The following RBMS3 variants were observed in gnomAD, a reference collection of about 807,000 sequenced individuals.
RBMS3 encodes RNA binding motif single stranded interacting protein 3, also known as RNA-binding motif, single-stranded-interacting protein 3.
In RBMS3, 27 loss-of-function variants were observed where a neutral mutation model predicts 66.8. The observed-to-expected ratio is 0.40, with a 90% CI of 0.30 to 0.56. The LOEUF is 0.56. Ranked by LOEUF, RBMS3 falls within the 20% of genes least tolerant of loss-of-function variation. The probability of loss-of-function intolerance (pLI) is 0.40; values close to 1 mark genes in which losing one functional copy is unlikely to be tolerated. For synonymous variants in RBMS3, 188 were observed against 183.0 expected (o/e 1.03, Z -0.22); for missense variants, 513 against 549.5 (o/e 0.93, Z 0.66).
At chr3:29,655,166 G>A (rs1382472104) in intron 4 of RBMS3, among the ~76,000 whole-genome samples, 1 of 152,112 alleles carries the variant, frequency 6.6e-6, no homozygotes, top group Non-Finnish European at 1.5e-5. Context: ...GATTAATGAG[G>A]TCATCTGGTT....
intron 2 of RBMS3, among the ~76,000 whole-genome samples, chr3:29,477,434 G>T (rs935036444): frequency 1.4e-5 from 2 of 145,652 alleles, no homozygotes; most frequent in African/African-American, 5.2e-5. Flanking sequence ...ATTGATCCCT[G>T]TGTGTAGGGT....
chr3:29,322,771 A>G (rs754978781), intron 1 of RBMS3, among the ~76,000 whole-genome samples: 6 of 152,138 alleles, frequency 3.9e-5, no homozygotes, highest in Non-Finnish European at 7.3e-5. Context: ...AAACCTCAAG[A>G]CAAGGAGAGG....
chr3:29,662,758 G>A (rs2050605663), intron 4 of RBMS3, among the ~76,000 whole-genome samples: 1 of 152,160 alleles, frequency 6.6e-6, no homozygotes, highest in Admixed American at 6.5e-5. Flanking sequence ...AGCAGTGAGA[G>A]ACATGGCAGT....
intron 4 of RBMS3, among the ~76,000 whole-genome samples, chr3:29,720,280 AT>A (rs1315711692): frequency 1.3e-5 from 2 of 152,152 alleles, no homozygotes; most frequent in Non-Finnish European, 2.9e-5. Flanking sequence ...TTCTATGTAA[AT>A]TGTATCATAT....
At chr3:29,470,341 T>C (rs1387094600) in intron 2 of RBMS3, among the ~76,000 whole-genome samples, 1 of 151,958 alleles carries the variant, frequency 6.6e-6, no homozygotes, top group Non-Finnish European at 1.5e-5. Context: ...TCTTCAGAAG[T>C]CAAAGACTCA....
rs776907158 is a variant in RBMS3 at position 30,009,368 on chromosome 3, A to T, written c.*5506A>T. ...TTATTTTATTTCTTATAAAGTATTA[A>T]TTTCTTAAGGGGGTTTGAAATCATT... On this transcript the variant is annotated 3_prime_UTR_variant, in exon 15 of 15. Coordinates refer to ENST00000383767, the MANE Select transcript of RBMS3 (RefSeq NM_001003793.3). The T allele has an allele frequency of 6.6e-6, 1 of 152,116 alleles. No homozygotes were observed. Among genetic ancestry groups the T allele is most frequent in the African/African-American group, 2.4e-5 (1 of 41,426 alleles). 9.4% of individuals were successfully genotyped at this position (152,116 alleles called of 1,614,324 possible). A position where few individuals can be genotyped will look rare whatever the true frequency, so the allele number is the denominator to read the frequency against.
chr3:29,590,021 A>G (rs2047670568), intron 4 of RBMS3, among the ~76,000 whole-genome samples: 1 of 152,102 alleles, frequency 6.6e-6, no homozygotes, highest in Non-Finnish European at 1.5e-5. Context: ...TTGATTAATA[A>G]TGAATTACCA....
intron 2 of RBMS3, among the ~76,000 whole-genome samples, chr3:29,460,386 T>C (rs1034066171): frequency 1.3e-5 from 2 of 152,236 alleles, no homozygotes; most frequent in African/African-American, 4.8e-5. Flanking sequence ...GTTTCAGATA[T>C]GTGTTCATGG....
At chr3:29,629,237 G>C (rs1018339064) in intron 4 of RBMS3, among the ~76,000 whole-genome samples, 1 of 152,112 alleles carries the variant, frequency 6.6e-6, no homozygotes, top group African/African-American at 2.4e-5. Context: ...AGTGAAAAGT[G>C]CTGAGAATCC....
At chr3:29,385,377 C>T (rs1209273462) in intron 1 of RBMS3, among the ~76,000 whole-genome samples, 1 of 152,120 alleles carries the variant, frequency 6.6e-6, no homozygotes, top group Admixed American at 6.6e-5. Flanking sequence ...CCCTCTGGAA[C>T]TCGGTCATAC....
intron 3 of RBMS3, among the ~76,000 whole-genome samples, chr3:29,517,359 G>T (rs947627916): frequency 6.9e-6 from 1 of 144,410 alleles, no homozygotes; most frequent in African/African-American, 2.6e-5. Flanking sequence ...GTCTCGCTCT[G>T]TTGCCCAGGC....
At chr3:29,320,465 A>G (rs2034941084) in intron 1 of RBMS3, among the ~76,000 whole-genome samples, 1 of 152,094 alleles carries the variant, frequency 6.6e-6, no homozygotes, top group East Asian at 1.9e-4. Context: ...TCCTTCCTGG[A>G]AACATTCTAT....
intron 2 of RBMS3, among the ~76,000 whole-genome samples, chr3:29,441,466 G>A (rs1156691377): frequency 6.6e-6 from 1 of 152,082 alleles, no homozygotes; most frequent in Non-Finnish European, 1.5e-5. Context: ...TCCCTATGAA[G>A]TGGGAATAAT....
At chr3:29,495,156 T>A (rs2043694190) in intron 3 of RBMS3, among the ~76,000 whole-genome samples, 1 of 147,396 alleles carries the variant, frequency 6.8e-6, no homozygotes, top group Non-Finnish European at 1.5e-5. Flanking sequence ...GAGAAATAAT[T>A]CTGCATATGA....
At chr3:29,972,688 A>T (rs1697305027) in intron 12 of RBMS3, among the ~76,000 whole-genome samples, 1 of 152,088 alleles carries the variant, frequency 6.6e-6, no homozygotes, top group Non-Finnish European at 1.5e-5. Context: ...ACTTGAGTCC[A>T]CTGGGATGAT....
chr3:29,952,101 G>A (rs988499633), intron 12 of RBMS3, among the ~76,000 whole-genome samples: 6 of 151,774 alleles, frequency 4.0e-5, no homozygotes, highest in African/African-American at 1.4e-4. Flanking sequence ...GTGTGAAAAT[G>A]AAAATAAAGA....
At chr3:29,459,427 T>C (rs950517365) in intron 2 of RBMS3, among the ~76,000 whole-genome samples, 9 of 152,170 alleles carry the variant, frequency 5.9e-5, no homozygotes, top group Non-Finnish European at 1.3e-4. Flanking sequence ...ATAACAATCA[T>C]CTAAAATATA....
At chr3:29,311,501 C>T (rs545014412) in intron 1 of RBMS3, among the ~76,000 whole-genome samples, 3 of 151,586 alleles carry the variant, frequency 2.0e-5, no homozygotes, top group Admixed American at 6.6e-5. Context: ...TGCAAGCCAC[C>T]AAAAAATGTT....
chr3:29,367,668 A>T (rs1006483949), intron 1 of RBMS3, among the ~76,000 whole-genome samples: 17 of 152,234 alleles, frequency 1.1e-4, no homozygotes, highest in Middle Eastern at 3.4e-3. Context: ...TTTATTGCTG[A>T]CTTTCTGTAG....
Sources: allele counts gnomAD v4.1 joint callset (sites outside exome capture counted in the v4.1 genomes callset), GRCh38; gene constraint gnomAD v4.1.1; transcripts MANE v1.5; gene names NCBI Gene and HGNC (gene_info 2026-07-23, HGNC 2026-07-21).